Variants in OR8B2 observed in about 807,000 individuals in gnomAD.
The protein encoded by OR8B2 is olfactory receptor family 8 subfamily B member 2.
For synonymous variants in OR8B2, 98 were observed against 138.2 expected, an observed-to-expected ratio of 0.71 and a Z score of 2.04; for missense variants, 304 against 379.6, an observed-to-expected ratio of 0.80 and a Z score of 1.65.
chr11:124,388,097 G>C (rs377535925), upstream of OR8B2, among the ~76,000 whole-genome samples: 3 of 151,968 alleles, frequency 2.0e-5, no homozygotes, highest in Non-Finnish European at 4.4e-5. Context: ...TGTGATTTTT[G>C]TACATTGATT....
chr11:124,384,710 T>C (rs113530116), upstream of OR8B2, among the ~76,000 whole-genome samples: 107 of 152,230 alleles, frequency 7.0e-4, no homozygotes, highest in African/African-American at 2.5e-3. Context: ...ACAGTAAGTC[T>C]CTCTCAGGAC....
At chr11:124,394,347 G>T in the OR8B2 span, among the ~76,000 whole-genome samples, 2 of 152,052 alleles carry the variant, frequency 1.3e-5, no homozygotes, top group African/African-American at 4.8e-5. Context: ...AGAAGGAGAT[G>T]TCAAGAAATA....
At chr11:124,396,510 A>C in the OR8B2 span, 34 of 1,614,032 alleles carry the variant, frequency 2.1e-5, no homozygotes, top group African/African-American at 3.6e-4. Flanking sequence ...GAGCATGGGC[A>C]CCACATTAGT....
chr11:124,396,356 A>C, the OR8B2 span: 1 of 1,434,354 alleles, frequency 7.0e-7, no homozygotes, highest in South Asian at 1.4e-5. Flanking sequence ...TTCATGGAAC[A>C]CACTAATAAA....
chr11:124,394,430 G>A, the OR8B2 span, among the ~76,000 whole-genome samples: 1 of 152,082 alleles, frequency 6.6e-6, no homozygotes, highest in African/African-American at 2.4e-5. Context: ...CAGTGATGAA[G>A]GCCTCAGACC....
chr11:124,385,090 T>C (rs673843), upstream of OR8B2, among the ~76,000 whole-genome samples: 46,983 of 152,060 alleles, frequency 0.31, 7,215 homozygotes, highest in South Asian at 0.39. Flanking sequence ...ATTTTTTAAA[T>C]AAAATTTTGT....
chr11:124,394,287 A>G, the OR8B2 span, among the ~76,000 whole-genome samples: 2 of 151,598 alleles, frequency 1.3e-5, no homozygotes, highest in Admixed American at 6.6e-5. Flanking sequence ...AAATAAATAA[A>G]TAAATAAAAT....
chr11:124,388,512 T>C (rs905357517), upstream of OR8B2, among the ~76,000 whole-genome samples: 1 of 152,250 alleles, frequency 6.6e-6, no homozygotes, highest in Admixed American at 6.5e-5. Context: ...TCTAGAACAA[T>C]GCCTAGGAGC....
chr11:124,396,487 A>G, the OR8B2 span: 1 of 1,614,142 alleles, frequency 6.2e-7, no homozygotes, highest in East Asian at 2.2e-5. Flanking sequence ...CTCAAACTGT[A>G]GATGAGAGGA....
the OR8B2 span, among the ~76,000 whole-genome samples, chr11:124,395,295 C>CA: frequency 5.3e-5 from 8 of 151,784 alleles, no homozygotes; most frequent in South Asian, 1.2e-3. Context: ...CAAAACAAAA[C>CA]AAAAAAACTT....
upstream of OR8B2, among the ~76,000 whole-genome samples, chr11:124,386,719 C>T (rs1484356299): frequency 1.3e-5 from 2 of 151,952 alleles, no homozygotes; most frequent in Non-Finnish European, 2.9e-5. Flanking sequence ...AGTAAACATA[C>T]GTGTGCATGT....
the OR8B2 span, among the ~76,000 whole-genome samples, chr11:124,390,816 GCCTGCACCAA>G: frequency 6.6e-6 from 1 of 151,016 alleles, no homozygotes; most frequent in Non-Finnish European, 1.5e-5. Flanking sequence ...AGAAATCTAT[GCCTGCACCAA>G]CACAATTTCA....
the OR8B2 span, chr11:124,396,614 A>G: frequency 6.2e-6 from 10 of 1,612,428 alleles, no homozygotes; most frequent in Non-Finnish European, 8.5e-6. Flanking sequence ...GAGACAGAGC[A>G]ATGACATGAG....
chr11:124,393,757 A>G, the OR8B2 span, among the ~76,000 whole-genome samples: 3 of 151,996 alleles, frequency 2.0e-5, no homozygotes, highest in Non-Finnish European at 4.4e-5. Context: ...AATACTGGGT[A>G]TATACCCAAA....
At chr11:124,392,319 A>G in the OR8B2 span, among the ~76,000 whole-genome samples, 2 of 127,000 alleles carry the variant, frequency 1.6e-5, no homozygotes, top group Admixed American at 8.0e-5. Flanking sequence ...GAGGAAGTCA[A>G]ATTGTCCCTG....
At chr11:124,384,846 C>A (rs1378499046), upstream of OR8B2, among the ~76,000 whole-genome samples, 1 of 152,122 alleles carries the variant, frequency 6.6e-6, no homozygotes, top group African/African-American at 2.4e-5. Flanking sequence ...GAGAAAGAGC[C>A]TCTGCTGTCA....
chr11:124,387,893 A>G (rs1354514515), upstream of OR8B2, among the ~76,000 whole-genome samples: 2 of 150,526 alleles, frequency 1.3e-5, no homozygotes, highest in Admixed American at 6.6e-5. Flanking sequence ...ACCCATGAGC[A>G]TGGAATGTTC....
upstream of OR8B2, among the ~76,000 whole-genome samples, chr11:124,388,305 G>T (rs1348299598): frequency 6.7e-6 from 1 of 149,222 alleles, no homozygotes; most frequent in East Asian, 2.0e-4. Flanking sequence ...TGTTGAATAG[G>T]AGTGGTGAGA....
chr11:124,384,210 C>T (rs470787), intron 1 of OR8B2, among the ~76,000 whole-genome samples, 164 bp downstream of exon 1: 2 of 152,118 alleles, frequency 1.3e-5, no homozygotes, highest in East Asian at 1.9e-4. Context: ...TATTGCTATC[C>T]TGATACCAGG....
Sources: allele counts gnomAD v4.1 joint callset (sites outside exome capture counted in the v4.1 genomes callset), GRCh38; gene constraint gnomAD v4.1.1; transcripts MANE v1.5; gene names NCBI Gene and HGNC (gene_info 2026-07-23, HGNC 2026-07-21).